The following ANKRD11 variants were observed in gnomAD, a reference collection of about 807,000 sequenced individuals.
The protein encoded by ANKRD11 is ankyrin repeat domain-containing protein 11.
In ANKRD11, 17 loss-of-function variants were observed where a neutral mutation model predicts 195.7. The ratio of observed to expected loss-of-function variants is 0.09; its 90% CI spans 0.06 to 0.13. The LOEUF is 0.13. Among genes scored for constraint, ANKRD11 ranks in the 10% least tolerant of loss-of-function variants. ANKRD11 has a pLI of 1.00. For missense variants in ANKRD11, 3,735 were observed against 3,566.1 expected, an observed-to-expected ratio of 1.05 and a Z score of -1.21; for synonymous variants, 1,953 against 1,528.1, an observed-to-expected ratio of 1.28 and a Z score of -6.49.
intron 2 of ANKRD11, among the ~76,000 whole-genome samples, chr16:89,416,578 G>A (rs1056019705): frequency 6.6e-6 from 1 of 152,108 alleles, no homozygotes; most frequent in Admixed American, 6.5e-5. Context: ...GATTACAGGC[G>A]TGAGCCACTG....
intron 3 of ANKRD11, among the ~76,000 whole-genome samples, chr16:89,306,949 C>A (rs904704541): frequency 1.8e-4 from 27 of 152,202 alleles, no homozygotes; most frequent in Non-Finnish European, 2.9e-5. Flanking sequence ...GACGGTGCGA[C>A]ACACACAGCG....
At position 89,280,936 on chromosome 16, in the gene ANKRD11, G is replaced by A. The variant is rs1486454956; in HGVS notation, c.5606C>T (p.Pro1869Leu). ...CGGGGTGACAGTGACAACGGCAGCC[G>A]GTGGGCAGTGCAAAGCGTCGACTTT... ...SPKVDALHCP[P>L]AAVVTVTPSP... The change falls in exon 9 of 13, where the codon CCG becomes CTG. Residue 1869 changes from proline to leucine, a missense_variant. Pro to Leu is a moderately conservative substitution (Grantham distance 98). Coordinates refer to ENST00000301030, the MANE Select transcript of ANKRD11 (RefSeq NM_013275.6). 10 of 1,590,190 alleles carry A rather than the reference G, an allele frequency of 6.3e-6. No homozygotes were observed. Among genetic ancestry groups the A allele is most frequent in the South Asian group, 3.4e-5 (3 of 88,372 alleles).
intron 2 of ANKRD11, among the ~76,000 whole-genome samples, chr16:89,330,221 G>C (rs2037975147): frequency 6.6e-6 from 1 of 152,208 alleles, no homozygotes; most frequent in South Asian, 2.1e-4. Flanking sequence ...TGTGTGTCCG[G>C]TCAGGGGCAG....
At chr16:89,431,614 T>C (rs896614769) in intron 1 of ANKRD11, among the ~76,000 whole-genome samples, 4 of 152,194 alleles carry the variant, frequency 2.6e-5, no homozygotes, top group Non-Finnish European at 4.4e-5. Flanking sequence ...TTTGTTTCCA[T>C]TTTGTTTCAC....
intron 1 of ANKRD11, among the ~76,000 whole-genome samples, chr16:89,425,659 G>C (rs934442301): frequency 2.0e-5 from 3 of 152,036 alleles, no homozygotes; most frequent in Non-Finnish European, 4.4e-5. Context: ...CGATTTTTTC[G>C]GGCTGGGGGC....
Position 89,291,337 on chromosome 16 carries a change from G to A in ANKRD11, c.227-154C>T, listed in dbSNP as rs75713836. Among the ~76,000 whole-genome samples, 843 of 152,302 alleles carry A rather than the reference G, an allele frequency of 5.5e-3. 16 individuals carry two copies. The highest frequency in any genetic ancestry group is 0.02 in the African/African-American group (815 of 41,552). ...CTGTGTATGGGGAAAGCACAGCGGT[G>A]CTGGGAGCATTGGTGCCGCCCACCT... is the stretch of plus-strand genomic sequence containing the variant. On this transcript the variant is annotated intron_variant, in intron 4 of 12. Coordinates refer to ENST00000301030, the MANE Select transcript of ANKRD11 (RefSeq NM_013275.6). The surrounding 1 kb of genome is among the most constrained non-coding windows in gnomAD (Gnocchi z 5.3).
At chr16:89,419,003 T>A (rs2042409249) in intron 1 of ANKRD11, among the ~76,000 whole-genome samples, 1 of 152,110 alleles carries the variant, frequency 6.6e-6, no homozygotes, top group South Asian at 2.1e-4. Context: ...ATTACAGGCG[T>A]CAGCCACCAT....
Position 89,285,980 on chromosome 16 carries a change from AG to A in ANKRD11, c.892+58del. 6.2e-7 allele frequency: 1 copy of A among 1,610,990 alleles called. No homozygotes were observed. The highest frequency in any genetic ancestry group is 8.5e-7 in the Non-Finnish European group (1 of 1,177,976). On this transcript the variant is annotated intron_variant, in intron 8 of 12. Coordinates refer to ENST00000301030, the MANE Select transcript of ANKRD11 (RefSeq NM_013275.6). This position sits in a 1 kb window ranked among gnomAD's most constrained non-coding sequence, Gnocchi z 5.6. The stretch of plus-strand genomic sequence containing the variant: ...AGGGGCAACACTGTGCAAACACCAC[AG>A]GGCAGCTCCTACCATCCCTGCATAA...
At chr16:89,320,671 C>T (rs1270446291) in intron 2 of ANKRD11, among the ~76,000 whole-genome samples, 3 of 152,218 alleles carry the variant, frequency 2.0e-5, no homozygotes, top group African/African-American at 2.4e-5. Flanking sequence ...GCAGAAGCCA[C>T]GGCGCCAAAG....
intron 2 of ANKRD11, among the ~76,000 whole-genome samples, chr16:89,357,570 C>T (rs1178150594): frequency 1.3e-5 from 2 of 152,218 alleles, no homozygotes; most frequent in Non-Finnish European, 2.9e-5. Context: ...AGTTGTACTT[C>T]GACGTTCACA....
At position 89,281,295 on chromosome 16, in the gene ANKRD11, G is replaced by A. The variant is rs778974115; in HGVS notation, c.5247C>T (p.Pro1749=). 6.2e-6 allele frequency: 10 copies of A among 1,614,092 alleles called. No homozygotes were observed. In the Admixed American group the frequency reaches 6.7e-5, roughly 11 times the overall value. ...GGGAGCAGGCGCTGGTGGGAGCGGT[G>A]GGCACGGGCGTGGAGTGCTGCGAGT... ...CADSQHSTPV[P]TAPTSACSPS... The change falls in exon 9 of 13, where the codon CCC becomes CCT. Residue 1749 remains proline (P), a synonymous_variant. Coordinates refer to ENST00000301030, the MANE Select transcript of ANKRD11 (RefSeq NM_013275.6). The surrounding 1 kb of genome is among the most constrained non-coding windows in gnomAD (Gnocchi z 5.5).
chr16:89,323,571 C>T (rs78801311), intron 2 of ANKRD11, among the ~76,000 whole-genome samples: 1 of 8,684 alleles, frequency 1.2e-4, no homozygotes, highest in African/African-American at 4.2e-4. Context: ...GCTAAGGGCA[C>T]GGGGGCTAAG....
chr16:89,302,276 C>T (rs527862026), intron 4 of ANKRD11, among the ~76,000 whole-genome samples: 46 of 152,246 alleles, frequency 3.0e-4, no homozygotes, highest in African/African-American at 1.0e-3. Context: ...TATTTAGAGA[C>T]GGAGTCTTGC....
intron 11 of ANKRD11, among the ~76,000 whole-genome samples, chr16:89,274,573 C>G (rs1373123349): frequency 4.6e-5 from 7 of 152,212 alleles, no homozygotes; most frequent in Non-Finnish European, 1.0e-4. Context: ...GCTGCTGAGG[C>G]CCAGCCCAGT....
chr16:89,390,297 G>T (rs1461837627), intron 2 of ANKRD11, among the ~76,000 whole-genome samples: 1 of 149,006 alleles, frequency 6.7e-6, no homozygotes. Context: ...GATCACTGGG[G>T]CGAACACCGA....
chr16:89,302,299 C>G (rs747781996), intron 4 of ANKRD11, among the ~76,000 whole-genome samples: 11 of 152,200 alleles, frequency 7.2e-5, no homozygotes, highest in Non-Finnish European at 1.3e-4. Context: ...TGTTGCCAGG[C>G]TGGAGTGCAA....
At chr16:89,410,428 G>C (rs1023270397) in intron 2 of ANKRD11, among the ~76,000 whole-genome samples, 2 of 152,220 alleles carry the variant, frequency 1.3e-5, no homozygotes, top group Non-Finnish European at 2.9e-5. Flanking sequence ...ATGGACACTG[G>C]TGTTGGGAGT....
chr16:89,284,542 T>G lies in ANKRD11; in HGVS notation c.2000A>C (p.Lys667Thr). The change falls in exon 9 of 13, where the codon AAG becomes ACG. Residue 667 changes from lysine (K) to threonine (T), a missense_variant. Coordinates refer to ENST00000301030, the MANE Select transcript of ANKRD11 (RefSeq NM_013275.6). ...CTCTAACAGTATAGCCTTATCTGAC[T>G]TCTGCTTGGAGTCCTCATATTCGTA... is the stretch of plus-strand genomic sequence containing the variant. ...FTYEYEDSKQ[K>T]SDKAILLEND... 2 of 1,614,188 alleles carry G rather than the reference T, an allele frequency of 1.2e-6. No individual in the cohort carries two copies. The highest frequency in any genetic ancestry group is 1.7e-6 in the Non-Finnish European group (2 of 1,180,034).
intron 2 of ANKRD11, chr16:89,324,432 G>C (rs1469264179): frequency 2.1e-6 from 1 of 470,794 alleles, no homozygotes; most frequent in Admixed American, 2.3e-5. Flanking sequence ...CTAAAACCAA[G>C]GTAAGTGTGA....
Sources: allele counts gnomAD v4.1 joint callset (sites outside exome capture counted in the v4.1 genomes callset), GRCh38; gene constraint gnomAD v4.1.1; non-coding constraint Gnocchi (gnomAD v3.1); transcripts MANE v1.5; gene names NCBI Gene and HGNC (gene_info 2026-07-23, HGNC 2026-07-21).